Variants in PTPRD observed in about 807,000 individuals in gnomAD.
The protein encoded by PTPRD is protein tyrosine phosphatase receptor type D, also known as receptor-type tyrosine-protein phosphatase delta.
A neutral mutation model predicts 214.5 loss-of-function variants in PTPRD; 34 were observed. That is an observed-to-expected ratio of 0.16 (90% CI 0.12 to 0.21). The LOEUF (loss-of-function observed/expected upper bound fraction) is 0.21. PTPRD is among the 10% of genes least tolerant of loss of function. The probability of loss-of-function intolerance (pLI) is 1.00; values close to 1 mark genes in which losing one functional copy is unlikely to be tolerated. For missense variants in PTPRD, 2,545 were observed against 2,398.7 expected (o/e 1.06, Z -1.27); for synonymous variants, 1,128 against 845.7 (o/e 1.33, Z -5.79).
In PTPRD at chr9:10,066,344, T is replaced by C. The variant is rs2097884267; in HGVS notation, c.-544-32554A>G. ...GTGGCAAATTTAACACCCGTTTCAATGGATTCCTGATTTACAACCATGGTT... is the reference window on the plus strand; with the variant it reads ...GTGGCAAATTTAACACCCGTTTCAACGGATTCCTGATTTACAACCATGGTT... On this transcript the variant is annotated intron_variant, in intron 3 of 45. Coordinates refer to ENST00000381196, the MANE Select transcript of PTPRD (RefSeq NM_002839.4). Among the ~76,000 whole-genome samples, 3 of 151,928 alleles carry C rather than the reference T, an allele frequency of 2.0e-5. No homozygotes were observed. The South Asian group carries it at 6.2e-4, about 31-fold the overall frequency.
At chr9:8,487,370 T>C (rs1034913073) in intron 27 of PTPRD, among the ~76,000 whole-genome samples, 1 of 152,142 alleles carries the variant, frequency 6.6e-6, no homozygotes, top group African/African-American at 2.4e-5. Context: ...GCAATTATTA[T>C]TGGAATCCAC....
chr9:8,875,050 A>C (rs1182137487), intron 11 of PTPRD, among the ~76,000 whole-genome samples: 1 of 152,196 alleles, frequency 6.6e-6, no homozygotes, highest in Admixed American at 6.5e-5. Context: ...ACAACCATAC[A>C]TGGATGCATT....
At chr9:10,394,909 T>C (rs1283011325) in intron 2 of PTPRD, among the ~76,000 whole-genome samples, 1 of 151,648 alleles carries the variant, frequency 6.6e-6, no homozygotes, top group East Asian at 2.0e-4. Flanking sequence ...GTGGATTTAA[T>C]ATGCATTTAC....
chr9:10,375,081 T>C (rs563616196), intron 2 of PTPRD, among the ~76,000 whole-genome samples: 3 of 150,200 alleles, frequency 2.0e-5, no homozygotes, highest in South Asian at 2.1e-4. Context: ...TTTATGTAAA[T>C]TGGCTGGATC....
intron 5 of PTPRD, among the ~76,000 whole-genome samples, chr9:9,822,116 AATATAG>A: frequency 6.6e-6 from 1 of 151,374 alleles, no homozygotes; most frequent in Non-Finnish European, 1.5e-5. Context: ...TGGCCTTATA[AATATAG>A]ATAGAATAGG....
intron 14 of PTPRD, among the ~76,000 whole-genome samples, chr9:8,628,923 G>A (rs2096147290): frequency 6.6e-6 from 1 of 151,782 alleles, no homozygotes; most frequent in Non-Finnish European, 1.5e-5. Context: ...AACAAAGCCA[G>A]TTCCCTATAA....
intron 5 of PTPRD, among the ~76,000 whole-genome samples, chr9:9,916,668 T>C (rs914621892): frequency 2.0e-5 from 3 of 151,960 alleles, no homozygotes; most frequent in Non-Finnish European, 4.4e-5. Context: ...ACAGTAGTTA[T>C]AGTTAGATCA....
intron 2 of PTPRD, among the ~76,000 whole-genome samples, chr9:10,488,505 G>A (rs1566455922): frequency 6.6e-6 from 1 of 152,152 alleles, no homozygotes; most frequent in South Asian, 2.1e-4. Context: ...CAATCAGCAG[G>A]TGGCAATGTC....
At chr9:10,091,806 T>A (rs2098435037) in intron 3 of PTPRD, among the ~76,000 whole-genome samples, 1 of 151,362 alleles carries the variant, frequency 6.6e-6, no homozygotes, top group Non-Finnish European at 1.5e-5. Context: ...AAGGCAGGCA[T>A]CCAGTTTATT....
At chr9:8,461,921 A>G (rs2096417889) in intron 32 of PTPRD, among the ~76,000 whole-genome samples, 1 of 151,928 alleles carries the variant, frequency 6.6e-6, no homozygotes, top group Non-Finnish European at 1.5e-5. Flanking sequence ...AAGTTCTGAG[A>G]TTATAGGTAT....
chr9:10,178,971 T>C (rs1398946794), intron 3 of PTPRD, among the ~76,000 whole-genome samples: 1 of 151,252 alleles, frequency 6.6e-6, no homozygotes, highest in African/African-American at 2.4e-5. Context: ...AACAATACTT[T>C]TCTAGAATTA....
intron 7 of PTPRD, among the ~76,000 whole-genome samples, chr9:9,594,449 A>T (rs1222667559): frequency 6.6e-6 from 1 of 152,050 alleles, no homozygotes; most frequent in Non-Finnish European, 1.5e-5. Flanking sequence ...TGATTTTTGC[A>T]TAAGGTGAGA....
intron 5 of PTPRD, among the ~76,000 whole-genome samples, chr9:9,930,749 C>A (rs901680722): frequency 1.1e-4 from 17 of 151,808 alleles, no homozygotes. Flanking sequence ...TTATACTTTT[C>A]CACAAAATGA....
rs571761204 is a variant in PTPRD at position 9,416,685 on chromosome 9, G to C, written c.-236-19203C>G. Among the ~76,000 whole-genome samples, 155 of 152,002 alleles carry C rather than the reference G, an allele frequency of 1.0e-3. 1 individual carries two copies. The highest frequency in any genetic ancestry group is 2.0e-3 in the Admixed American group (31 of 15,264). Reference sequence around the variant, plus strand: ...GCTCTGCTTTCTCCTAAGAATATCTGTCTTCCATGACTTATTTGTACTATT... The same window carrying C: ...GCTCTGCTTTCTCCTAAGAATATCTCTCTTCCATGACTTATTTGTACTATT... On this transcript the variant is annotated intron_variant, in intron 8 of 45. Coordinates refer to ENST00000381196, the MANE Select transcript of PTPRD (RefSeq NM_002839.4).
intron 8 of PTPRD, among the ~76,000 whole-genome samples, chr9:9,404,822 T>A (rs2072610654): frequency 6.6e-6 from 1 of 152,076 alleles, no homozygotes. Flanking sequence ...AGTCCTGATA[T>A]TAAGAGTGGG....
At chr9:9,066,033 T>C (rs920644863) in intron 10 of PTPRD, among the ~76,000 whole-genome samples, 2 of 152,178 alleles carry the variant, frequency 1.3e-5, no homozygotes, top group Non-Finnish European at 2.9e-5. Flanking sequence ...GTGATTGTCA[T>C]CTCCAATGAC....
At chr9:10,326,064 T>A (rs531593286) in intron 3 of PTPRD, among the ~76,000 whole-genome samples, 83 of 151,928 alleles carry the variant, frequency 5.5e-4, no homozygotes, top group African/African-American at 2.0e-3. Context: ...GTAAGGTAGA[T>A]ATATATTTTC....
chr9:9,308,871 T>C (rs1350037411), intron 9 of PTPRD, among the ~76,000 whole-genome samples: 1 of 152,116 alleles, frequency 6.6e-6, no homozygotes, highest in Non-Finnish European at 1.5e-5. Flanking sequence ...TAATAAGCAT[T>C]AGAGACCCAA....
At chr9:10,110,766 T>C (rs898309037) in intron 3 of PTPRD, among the ~76,000 whole-genome samples, 6 of 152,174 alleles carry the variant, frequency 3.9e-5, no homozygotes, top group African/African-American at 1.4e-4. Context: ...TCCTGGCTAA[T>C]TGAGAGAAAA....
Sources: allele counts gnomAD v4.1 joint callset (sites outside exome capture counted in the v4.1 genomes callset), GRCh38; gene constraint gnomAD v4.1.1; transcripts MANE v1.5; gene names NCBI Gene and HGNC (gene_info 2026-07-23, HGNC 2026-07-21).